Variants in SLC19A1 observed in about 807,000 individuals in gnomAD.
The protein encoded by SLC19A1 is solute carrier family 19 member 1.
In SLC19A1, 37 loss-of-function variants were observed where a neutral mutation model predicts 35.3. That is an observed-to-expected ratio of 1.05 (90% CI 0.81 to 1.38). The LOEUF (loss-of-function observed/expected upper bound fraction) is 1.38, where lower values mean the gene tolerates loss of function less well. Among genes scored for constraint, SLC19A1 ranks in the 40% most tolerant of loss-of-function variants. The pLI, the probability that SLC19A1 is intolerant of heterozygous loss-of-function variation, is 0.00. For synonymous variants in SLC19A1, 460 were observed against 398.5 expected (o/e 1.15, Z -1.84); for missense variants, 831 against 826.9 (o/e 1.00, Z -0.06).
chr21:45,509,387 T>C, downstream of SLC19A1: 1 of 1,540,646 alleles, frequency 6.5e-7, no homozygotes, highest in Non-Finnish European at 8.8e-7. Context: ...CAGCCCCCCG[T>C]GGTGCAGCTG....
At position 45,515,206 on chromosome 21, in the gene SLC19A1, G is replaced by A; in HGVS notation, c.*452C>T. On this transcript the variant is annotated 3_prime_UTR_variant, in exon 6 of 6. Coordinates refer to ENST00000311124, the MANE Select transcript of SLC19A1 (RefSeq NM_194255.4). ...CTTTCAAAAAAGCAAGAGCACCAAG[G>A]ATGACCAGCAATGTCACAGCTCAGC... The A allele has an allele frequency of 6.6e-7, 1 of 1,518,110 alleles. No homozygotes were observed. 94.0% of individuals were successfully genotyped at this position (1,518,110 alleles called of 1,614,324 possible).
intron 5 of SLC19A1, among the ~76,000 whole-genome samples, chr21:45,523,485 G>C (rs984922278): frequency 6.6e-6 from 1 of 152,156 alleles, no homozygotes; most frequent in Non-Finnish European, 1.5e-5. Flanking sequence ...GGGCTTCCTC[G>C]TGACCAGCTC....
chr21:45,526,225 C>A (rs556996539), intron 4 of SLC19A1, among the ~76,000 whole-genome samples: 4 of 152,230 alleles, frequency 2.6e-5, no homozygotes, highest in Non-Finnish European at 5.9e-5. Context: ...GGTCCCTTAT[C>A]CAAAATGCCT....
At chr21:45,536,382 G>A (rs1490434087) in intron 2 of SLC19A1, 1 of 152,548 alleles carries the variant, frequency 6.6e-6, no homozygotes, top group Non-Finnish European at 1.5e-5. Flanking sequence ...TAAGAGCAGA[G>A]ATGCCATCTG....
At chr21:45,504,383 G>C in intron 3 of SLC19A1, 1 of 1,603,462 alleles carries the variant, frequency 6.2e-7, no homozygotes, top group Non-Finnish European at 8.5e-7. Flanking sequence ...TAGGGGTTCA[G>C]GGCTCCCGTG....
downstream of SLC19A1, chr21:45,509,419 C>A (rs566518554): frequency 1.3e-6 from 2 of 1,538,544 alleles, no homozygotes; most frequent in Non-Finnish European, 1.7e-6. Context: ...CCCCTACCCG[C>A]GGCGGGAGCA....
At chr21:45,537,497 G>A (rs1220875959) in intron 2 of SLC19A1, among the ~76,000 whole-genome samples, 36 of 102,904 alleles carry the variant, frequency 3.5e-4, no homozygotes, top group African/African-American at 1.2e-3. Context: ...CCAGCACCCC[G>A]GTGCCCACAT....
intron 4 of SLC19A1, among the ~76,000 whole-genome samples, chr21:45,529,633 A>G (rs1335039643): frequency 6.9e-6 from 1 of 145,242 alleles, no homozygotes; most frequent in African/African-American, 2.6e-5. Context: ...GTCCATGTGT[A>G]AACGTGTGGT....
Position 45,515,377 on chromosome 21 carries a change from A to G in SLC19A1, c.*281T>C. 7.0e-7 allele frequency: 1 copy of G among 1,437,342 alleles called. No individual in the cohort carries two copies. Among genetic ancestry groups the G allele is most frequent in the Non-Finnish European group, 9.1e-7 (1 of 1,104,442 alleles). 89.0% of individuals were successfully genotyped at this position (1,437,342 alleles called of 1,614,324 possible). On this transcript the variant is annotated 3_prime_UTR_variant, in exon 6 of 6. Transcript: ENST00000311124. ...TGTCTCAAGCCCCCCAAGGGGCATG[A>G]GCCAGTGAGGCCTGGTGGACGCAGA... is the stretch of plus-strand genomic sequence containing the variant.
chr21:45,556,923 G>A (rs533967863), intron 1 of SLC19A1, among the ~76,000 whole-genome samples: 72 of 152,114 alleles, frequency 4.7e-4, no homozygotes, highest in African/African-American at 1.5e-3. Context: ...CACCTGGGAC[G>A]GCACCTCAGA....
downstream of SLC19A1, chr21:45,509,458 G>A (rs113268527): frequency 0.011 from 16,175 of 1,533,408 alleles, 120 homozygotes; most frequent in Non-Finnish European, 0.013. Flanking sequence ...GCCCTGGCGG[G>A]CAGATGACAT....
At chr21:45,504,371 T>C in intron 3 of SLC19A1, 1 of 1,591,082 alleles carries the variant, frequency 6.3e-7, no homozygotes, top group South Asian at 1.1e-5. Context: ...ACCTGTGGCT[T>C]GTAGGGGTTC....
chr21:45,543,130 G>A (rs971622046), upstream of SLC19A1, among the ~76,000 whole-genome samples: 2 of 152,288 alleles, frequency 1.3e-5, no homozygotes, highest in African/African-American at 4.8e-5. Flanking sequence ...GGGACAGCCC[G>A]GGGGAGACCC....
chr21:45,504,369 C>A, intron 3 of SLC19A1: 1 of 1,590,124 alleles, frequency 6.3e-7, no homozygotes. Flanking sequence ...CCACCTGTGG[C>A]TTGTAGGGGT....
At chr21:45,509,987 G>A (rs1799428255), downstream of SLC19A1, 1 of 1,484,310 alleles carries the variant, frequency 6.7e-7, no homozygotes, top group East Asian at 2.5e-5. Context: ...CAGGTGCGGG[G>A]CCGGGGTGGT....
intron 2 of SLC19A1, among the ~76,000 whole-genome samples, chr21:45,537,167 G>C (rs1357965421): frequency 1.3e-5 from 2 of 152,186 alleles, no homozygotes; most frequent in Admixed American, 6.5e-5. Flanking sequence ...ACGGCCTGGC[G>C]GGTGGGGTGG....
At chr21:45,532,171 C>G (rs754217573) in intron 2 of SLC19A1, 23 bp from the exon 3 acceptor site, 1 of 1,559,272 alleles carries the variant, frequency 6.4e-7, no homozygotes, top group Non-Finnish European at 8.7e-7. Context: ...GGGCGTGCGC[C>G]CCACCAGGTG....
intron 5 of SLC19A1, among the ~76,000 whole-genome samples, chr21:45,521,481 A>C (rs2077436730): frequency 6.6e-6 from 1 of 152,234 alleles, no homozygotes; most frequent in South Asian, 2.1e-4. Flanking sequence ...TCCTAACAAA[A>C]TCTGAGCAGG....
Position 45,542,372 on chromosome 21 carries a change from G to A in SLC19A1, c.-54C>T, listed in dbSNP as rs1403570328. ...GGCCCCGTTCCCCACCGGTACCTGC[G>A]ACTCGGCGGGGCGGCTGCCCTGGGG... On this transcript the variant is annotated 5_prime_UTR_variant, in exon 1 of 6. Transcript: ENST00000311124. 1 of 151,492 alleles carries A rather than the reference G, an allele frequency of 6.6e-6. No individual in the cohort carries two copies. The highest frequency in any genetic ancestry group is 1.5e-5 in the Non-Finnish European group (1 of 67,826). 9.4% of individuals were successfully genotyped at this position (151,492 alleles called of 1,614,324 possible).
Sources: allele counts gnomAD v4.1 joint callset (sites outside exome capture counted in the v4.1 genomes callset), GRCh38; gene constraint gnomAD v4.1.1; transcripts MANE v1.5; gene names NCBI Gene and HGNC (gene_info 2026-07-23, HGNC 2026-07-21).